Variants in RNF220 observed in about 807,000 individuals in gnomAD.
RNF220 encodes E3 ubiquitin-protein ligase RNF220.
A neutral mutation model predicts 67.1 loss-of-function variants in RNF220; 7 were observed. That is an observed-to-expected ratio of 0.10 (90% CI 0.06 to 0.20). The LOEUF (loss-of-function observed/expected upper bound fraction) is 0.20. Among genes scored for constraint, RNF220 ranks in the 10% least tolerant of loss-of-function variants. The pLI is 1.00. For synonymous variants in RNF220, 270 were observed against 283.2 expected (o/e 0.95, Z 0.47); for missense variants, 565 against 740.3 (o/e 0.76, Z 2.75).
chr1:44,588,823 A>G lies in RNF220; in HGVS notation c.626-25342A>G, dbSNP rs186396419. Among the ~76,000 whole-genome samples, 406 of 152,288 alleles carry G rather than the reference A, an allele frequency of 2.7e-3. 1 individual carries two copies. The highest frequency in any genetic ancestry group is 2.7e-3 in the Non-Finnish European group (182 of 68,010). ...CCTACCTGGGGTTCAGGTCATGACT[A>G]CCGAGGCTGGGGTGGACTTCTTCCT... On this transcript the variant is annotated intron_variant, in intron 2 of 14. Coordinates refer to ENST00000361799, the MANE Select transcript of RNF220 (RefSeq NM_018150.4).
intron 8 of RNF220, chr1:44,638,157 G>C (rs188088010): frequency 6.6e-6 from 1 of 152,432 alleles, no homozygotes; most frequent in East Asian, 1.9e-4. Context: ...AGGACTGATA[G>C]GCCCTAACTC....
At chr1:44,639,940 C>T (rs1294019028) in intron 8 of RNF220, among the ~76,000 whole-genome samples, 52 of 152,212 alleles carry the variant, frequency 3.4e-4, no homozygotes, top group Admixed American at 3.4e-3. Context: ...CAGGCATGTG[C>T]CACTACAACC....
intron 2 of RNF220, among the ~76,000 whole-genome samples, chr1:44,548,529 T>G (rs272569): frequency 0.91 from 138,887 of 152,004 alleles, 64,578 homozygotes; most frequent in Non-Finnish European, 1. Context: ...GGTCTCACTC[T>G]GTCACTGAGG....
chr1:44,580,063 A>G (rs1280449634), intron 2 of RNF220, among the ~76,000 whole-genome samples: 38 of 149,012 alleles, frequency 2.6e-4, no homozygotes, highest in African/African-American at 8.6e-4. Context: ...AAAAAGAAAG[A>G]AAAGAAAGAA....
intron 2 of RNF220, among the ~76,000 whole-genome samples, chr1:44,605,997 TC>T (rs1667246222): frequency 6.6e-6 from 1 of 152,088 alleles, no homozygotes; most frequent in Non-Finnish European, 1.5e-5. Context: ...AATACATATC[TC>T]TCCCCTGCCC....
chr1:44,554,197 A>G (rs1162880552), intron 2 of RNF220, among the ~76,000 whole-genome samples: 1 of 152,064 alleles, frequency 6.6e-6, no homozygotes, highest in Non-Finnish European at 1.5e-5. Context: ...GAATGGAGGA[A>G]GGATGGAGAT....
intron 2 of RNF220, among the ~76,000 whole-genome samples, chr1:44,563,139 G>A (rs1246973903): frequency 6.6e-6 from 1 of 152,234 alleles, no homozygotes; most frequent in East Asian, 1.9e-4. Context: ...TCTCCAAGAT[G>A]GTAACAGCAG....
At chr1:44,435,892 G>A (rs1038948842) in intron 2 of RNF220, among the ~76,000 whole-genome samples, 2 of 151,912 alleles carry the variant, frequency 1.3e-5, no homozygotes, top group South Asian at 4.2e-4. Context: ...GTTGCACTCC[G>A]TCTTGGGTGA....
chr1:44,442,178 G>C (rs573035677), intron 2 of RNF220, among the ~76,000 whole-genome samples: 1 of 152,126 alleles, frequency 6.6e-6, no homozygotes, highest in East Asian at 1.9e-4. Context: ...ACCTAAGCTG[G>C]AGTTCATGGC....
At chr1:44,461,624 G>A (rs1390192966) in intron 2 of RNF220, among the ~76,000 whole-genome samples, 1 of 152,170 alleles carries the variant, frequency 6.6e-6, no homozygotes, top group Non-Finnish European at 1.5e-5. Flanking sequence ...GTATATAAAT[G>A]GCTCTCAGGA....
chr1:44,531,690 C>T (rs1660846215), intron 2 of RNF220, among the ~76,000 whole-genome samples: 1 of 152,168 alleles, frequency 6.6e-6, no homozygotes, highest in Admixed American at 6.5e-5. Context: ...AAAGCCATGA[C>T]ACTTTGGGGT....
At chr1:44,580,996 G>C (rs1665235925) in intron 2 of RNF220, among the ~76,000 whole-genome samples, 1 of 152,246 alleles carries the variant, frequency 6.6e-6, no homozygotes, top group Admixed American at 6.5e-5. Flanking sequence ...CCCAGAGCCA[G>C]AGTCTGGGCC....
rs140879747 is a variant in RNF220 at position 44,481,913 on chromosome 1, C to T, written c.625+69191C>T. Among the ~76,000 whole-genome samples the T allele has an allele frequency of 1.4e-4, 21 of 152,220 alleles. No homozygotes were observed. In the East Asian group the frequency reaches 3.7e-3, roughly 27 times the overall value. On this transcript the variant is annotated intron_variant, in intron 2 of 14. Coordinates refer to ENST00000361799, the MANE Select transcript of RNF220 (RefSeq NM_018150.4). ...CACTTGTGAGGGATTAGACTTCAGT[C>T]GTAAGAGGGTCATTCTCTCAGTTGT... is the stretch of plus-strand genomic sequence containing the variant.
chr1:44,474,113 G>A (rs904472613), intron 2 of RNF220, among the ~76,000 whole-genome samples: 2 of 152,020 alleles, frequency 1.3e-5, no homozygotes, highest in South Asian at 2.1e-4. Context: ...GGTAGCTCAC[G>A]CCTATAATCC....
intron 2 of RNF220, among the ~76,000 whole-genome samples, chr1:44,530,909 G>C (rs886282316): frequency 9.8e-5 from 15 of 152,310 alleles, no homozygotes; most frequent in African/African-American, 3.1e-4. Context: ...GTTGCAGTGA[G>C]CCGAGATTGC....
chr1:44,535,472 C>T (rs1661149270), intron 2 of RNF220, among the ~76,000 whole-genome samples: 1 of 152,176 alleles, frequency 6.6e-6, no homozygotes, highest in African/African-American at 2.4e-5. Context: ...TTTGTGAGAA[C>T]TCCCACTGAT....
At chr1:44,601,935 G>A (rs1666951251) in intron 2 of RNF220, among the ~76,000 whole-genome samples, 1 of 152,162 alleles carries the variant, frequency 6.6e-6, no homozygotes, top group Non-Finnish European at 1.5e-5. Flanking sequence ...GGCAAAGGAA[G>A]TAAGAAGTTG....
chr1:44,540,000 G>A (rs1470941665), intron 2 of RNF220, among the ~76,000 whole-genome samples: 1 of 152,202 alleles, frequency 6.6e-6, no homozygotes, highest in Non-Finnish European at 1.5e-5. Context: ...CTCTTTGAGG[G>A]CCTTTTGTTT....
At chr1:44,451,024 A>G (rs1027039238) in intron 2 of RNF220, among the ~76,000 whole-genome samples, 2 of 152,140 alleles carry the variant, frequency 1.3e-5, no homozygotes, top group Non-Finnish European at 2.9e-5. Context: ...TCTACTAAAA[A>G]TACAAAAAAT....
Sources: gnomAD v4.1 joint callset for allele counts (sites outside exome capture counted in the v4.1 genomes callset) on GRCh38, gnomAD v4.1.1 for gene constraint, MANE v1.5 for transcripts, NCBI Gene and HGNC (gene_info 2026-07-23, HGNC 2026-07-21) for gene names.